Variants in AOX1 observed in about 807,000 individuals in gnomAD.
The protein encoded by AOX1 is aldehyde oxidase.
A neutral mutation model predicts 169.5 loss-of-function variants in AOX1; 153 were observed. That is an observed-to-expected ratio of 0.90 (90% CI 0.79 to 1.03). AOX1 has a LOEUF of 1.03. Ranked by LOEUF, AOX1 falls within the 50% of genes least tolerant of loss-of-function variation. The probability of loss-of-function intolerance (pLI) is 0.00; values close to 1 mark genes in which losing one functional copy is unlikely to be tolerated. For synonymous variants in AOX1, 562 were observed against 581.9 expected (o/e 0.97, Z 0.49); for missense variants, 1,656 against 1,663.9 (o/e 1.00, Z 0.08).
At chr2:200,631,385 A>T (rs140905745) in intron 20 of AOX1, among the ~76,000 whole-genome samples, 9 of 152,346 alleles carry the variant, frequency 5.9e-5, no homozygotes, top group African/African-American at 2.2e-4. Context: ...AACAATCTGT[A>T]TAAAAGGATT....
intron 22 of AOX1, among the ~76,000 whole-genome samples, chr2:200,637,904 C>A (rs1013556435): frequency 2.0e-5 from 3 of 152,164 alleles, no homozygotes; most frequent in Non-Finnish European, 4.4e-5. Context: ...AGTCTAAAGA[C>A]CTTGGGACGA....
chr2:200,657,701 T>C (rs188542833), intron 27 of AOX1, among the ~76,000 whole-genome samples: 3 of 152,336 alleles, frequency 2.0e-5, no homozygotes, highest in African/African-American at 7.2e-5. Flanking sequence ...AGTCAAACTT[T>C]ATCTGTTTGC....
At chr2:200,621,378 T>A in intron 18 of AOX1, 132 bp downstream of exon 18, 1 of 795,172 alleles carries the variant, frequency 1.3e-6, no homozygotes, top group Non-Finnish European at 1.9e-6. Context: ...ATTATAAAAG[T>A]ATATTCTAAT....
At chr2:200,661,756 A>G in intron 30 of AOX1, 125 bp downstream of exon 30, 1 of 699,184 alleles carries the variant, frequency 1.4e-6, no homozygotes, top group South Asian at 1.8e-5. Flanking sequence ...GGTTATAAAG[A>G]ACATTTAACT....
At position 200,609,034 on chromosome 2, in the gene AOX1, G is replaced by T. The variant is rs1203037130; in HGVS notation, c.958G>T (p.Ala320Ser). The T allele has an allele frequency of 1.2e-6, 2 of 1,614,072 alleles. No individual in the cohort carries two copies. Among genetic ancestry groups the T allele is most frequent in the Non-Finnish European group, 1.7e-6 (2 of 1,179,982 alleles). Reference sequence around the variant, plus strand: ...CCTAGCCCAGGTGAAGGACATTTTGGCTGATGTAGTCCAGAAGCTTCCAGA... The same window carrying T: ...CCTAGCCCAGGTGAAGGACATTTTGTCTGATGTAGTCCAGAAGCTTCCAGA... ...LSLAQVKDIL[A>S]DVVQKLPEEK... The change falls in exon 11 of 35, where the codon GCT (alanine) becomes TCT (serine). Residue 320 changes from alanine (A) to serine (S), a missense_variant. Transcript: ENST00000374700.
At chr2:200,669,474 T>G in intron 33 of AOX1, 101 bp from the exon 34 acceptor site, 13 of 1,266,396 alleles carry the variant, frequency 1.0e-5, no homozygotes, top group South Asian at 1.5e-5. Flanking sequence ...TGTACATATG[T>G]AGTACGTAAT....
At position 200,670,897 on chromosome 2, in the gene AOX1, C is replaced by G; in HGVS notation, c.*218C>G. On this transcript the variant is annotated 3_prime_UTR_variant, in exon 35 of 35. Coordinates refer to ENST00000374700, the MANE Select transcript of AOX1 (RefSeq NM_001159.4). ...TAAATCATTTTCAATGTTATAAACA[C>G]TAATTGGTTTCCTCTAGGGTGATAT... 6.2e-6 allele frequency: 3 copies of G among 486,778 alleles called. No individual in the cohort carries two copies. Among genetic ancestry groups the G allele is most frequent in the Non-Finnish European group, 1.1e-5 (3 of 273,960 alleles). The allele number at this position is 486,778 out of a possible 1,614,324, so 30.2% of individuals were successfully genotyped here.
chr2:200,640,117 T>A (rs1403262205), intron 23 of AOX1, among the ~76,000 whole-genome samples: 2 of 146,168 alleles, frequency 1.4e-5, no homozygotes, highest in Non-Finnish European at 3.0e-5. Context: ...ACTACAGAGG[T>A]GTAATAAACA....
rs2034432032 is a variant in AOX1 at position 200,602,318 on chromosome 2, A to G, written c.471A>G (p.Ile157Met). ...GCCGTTGCACTGGATACAGGCCCAT[A>G]ATTGATGCATGCAAGACTTTCTGTA... The part of the protein sequence containing the change: ...NLCRCTGYRP[I>M]IDACKTFCKT... The change falls in exon 6 of 35, where the codon ATA (isoleucine) becomes ATG (methionine). Residue 157 changes from isoleucine to methionine, a missense_variant. Coordinates refer to ENST00000374700, the MANE Select transcript of AOX1 (RefSeq NM_001159.4). The G allele has an allele frequency of 6.2e-7, 1 of 1,613,818 alleles. No homozygotes were observed. The highest frequency in any genetic ancestry group is 8.5e-7 in the Non-Finnish European group (1 of 1,179,922).
At chr2:200,621,743 T>C (rs781589355) in intron 18 of AOX1, among the ~76,000 whole-genome samples, 6 of 152,002 alleles carry the variant, frequency 3.9e-5, no homozygotes, top group African/African-American at 9.7e-5. Context: ...ATGCGCTTTT[T>C]ATTTTTTATT....
chr2:200,638,022 A>G (rs757283548), intron 22 of AOX1, 193 bp from the exon 23 acceptor site: 5 of 489,838 alleles, frequency 1.0e-5, no homozygotes, highest in Non-Finnish European at 1.9e-5. Flanking sequence ...AATGCCTGGC[A>G]TTATTCCCTG....
intron 9 of AOX1, among the ~76,000 whole-genome samples, 174 bp from the exon 10 acceptor site, chr2:200,605,362 G>A (rs948490051): frequency 1.3e-5 from 2 of 152,110 alleles, no homozygotes; most frequent in East Asian, 1.9e-4. Context: ...CAAGTTTGAT[G>A]AAAATCTATC....
Position 200,661,630 on chromosome 2 carries a change from A to G in AOX1, c.3427A>G (p.Arg1143Gly). 6.2e-7 allele frequency: 1 copy of G among 1,609,030 alleles called. No homozygotes were observed. The highest frequency in any genetic ancestry group is 1.7e-5 in the Admixed American group (1 of 59,974). The change falls in exon 30 of 35, where the codon AGA becomes GGA. Residue 1143 changes from arginine to glycine, a missense_variant and splice_region_variant. Coordinates refer to ENST00000374700, the MANE Select transcript of AOX1 (RefSeq NM_001159.4). ...SINLSAVGYF[R>G]GYESDMNWEK... ...TAACCTTTCAGCTGTTGGATACTTC[A>G]GGTAAATACTCCCTCTGATCACATG...
At chr2:200,601,653 T>C (rs563214848) in intron 5 of AOX1, among the ~76,000 whole-genome samples, 6 of 151,858 alleles carry the variant, frequency 4.0e-5, no homozygotes, top group Non-Finnish European at 7.4e-5. Flanking sequence ...TTAGTTTGGC[T>C]GAACACAGTG....
chr2:200,613,479 C>T (rs1163464556), intron 14 of AOX1, among the ~76,000 whole-genome samples: 3 of 152,174 alleles, frequency 2.0e-5, no homozygotes, highest in Non-Finnish European at 4.4e-5. Flanking sequence ...TCTTGGCATG[C>T]AATAAATGTC....
At chr2:200,659,143 G>T in intron 27 of AOX1, 22 bp from the exon 28 acceptor site, 1 of 1,611,828 alleles carries the variant, frequency 6.2e-7, no homozygotes, top group Non-Finnish European at 8.5e-7. Flanking sequence ...TGTTTAAAAG[G>T]AAACTCTCTC....
At chr2:200,645,602 G>T (rs1236950569) in intron 25 of AOX1, among the ~76,000 whole-genome samples, 1 of 151,956 alleles carries the variant, frequency 6.6e-6, no homozygotes, top group Non-Finnish European at 1.5e-5. Context: ...TTTACTTAAG[G>T]TTCCTTCTTT....
In AOX1 at chr2:200,636,950, G is replaced by A. The variant is rs1181415539; in HGVS notation, c.2386G>A (p.Val796Ile). Residue 796 changes from valine to isoleucine, a missense_variant, in exon 22 of 35, where the codon GTC (valine) becomes ATC (isoleucine). Transcript: ENST00000374700. ...ASTLKLPANK[V>I]MCHVRRVGGA... Reference sequence around the variant, plus strand: ...AACCTTGAAGCTCCCAGCTAACAAGGTCATGTGCCATGTAAGGCGTGTTGG... The same window carrying A: ...AACCTTGAAGCTCCCAGCTAACAAGATCATGTGCCATGTAAGGCGTGTTGG... The A allele has an allele frequency of 1.9e-6, 3 of 1,614,004 alleles. No individual in the cohort carries two copies. Among genetic ancestry groups the A allele is most frequent in the Middle Eastern group, 1.6e-4 (1 of 6,082 alleles).
At chr2:200,678,162 G>A (rs978511727), downstream of AOX1, 5 of 152,202 alleles carry the variant, frequency 3.3e-5, no homozygotes, top group East Asian at 1.9e-4. Flanking sequence ...TGGATTGTAC[G>A]AATGTTTTCC....
Sources: gnomAD v4.1 joint callset for allele counts (sites outside exome capture counted in the v4.1 genomes callset) on GRCh38, gnomAD v4.1.1 for gene constraint, MANE v1.5 for transcripts, NCBI Gene and HGNC (gene_info 2026-07-23, HGNC 2026-07-21) for gene names.